The following NOP53 variants were observed in gnomAD, a reference collection of about 807,000 sequenced individuals.
The protein encoded by NOP53 is NOP53 ribosome biogenesis factor, also known as ribosome biogenesis protein NOP53.
In NOP53, 40 loss-of-function variants were observed where a neutral mutation model predicts 61.0. That is an observed-to-expected ratio of 0.66 (90% CI 0.51 to 0.85). The LOEUF is 0.85. Among genes scored for constraint, NOP53 ranks in the 40% least tolerant of loss-of-function variants. NOP53 has a pLI of 0.00. For synonymous variants in NOP53, 308 were observed against 289.5 expected, an observed-to-expected ratio of 1.06 and a Z score of -0.65; for missense variants, 689 against 652.9, an observed-to-expected ratio of 1.06 and a Z score of -0.60.
chr19:47,750,666 G>C (rs1312067391), intron 3 of NOP53, among the ~76,000 whole-genome samples: 1 of 152,116 alleles, frequency 6.6e-6, no homozygotes, highest in African/African-American at 2.4e-5. Flanking sequence ...GGTGGTGTGA[G>C]GTGCCTGGGG....
Position 47,755,335 on chromosome 19 carries a change from C to T in NOP53, c.1054-13C>T. 2.7e-6 allele frequency: 4 copies of T among 1,481,904 alleles called. No homozygotes were observed. The South Asian group carries it at 3.9e-5, about 14-fold the overall frequency. The allele number at this position is 1,481,904 out of a possible 1,614,324, so 91.8% of individuals were successfully genotyped here. On this transcript the variant is annotated splice_polypyrimidine_tract_variant and intron_variant, in intron 8 of 12. Coordinates refer to ENST00000246802, the MANE Select transcript of NOP53 (RefSeq NM_015710.5). ...GCACCGGCCTGAGCCCTGACCCTCC[C>T]CCGTCTCCACAGCGGGTACAGCAGG...
In NOP53 at chr19:47,754,508, C is replaced by G. The variant is rs1258523271; in HGVS notation, c.766-19C>G. The G allele has an allele frequency of 7.2e-6, 11 of 1,529,744 alleles. No individual in the cohort carries two copies. The Admixed American group carries it at 1.4e-4, about 19-fold the overall frequency. The allele number at this position is 1,529,744 out of a possible 1,614,324, so 94.8% of individuals were successfully genotyped here. ...TCCCAGGAGGGGTTCAGGGACCCAT[C>G]CTCACTCCCGCCCCTCAGACCCTGC... is the stretch of plus-strand genomic sequence containing the variant. On this transcript the variant is annotated intron_variant, in intron 6 of 12. Transcript: ENST00000246802. This position sits in a 1 kb window ranked among gnomAD's most constrained non-coding sequence, Gnocchi z 4.2.
rs1325800066 is a variant in NOP53 at position 47,754,343 on chromosome 19, G to A, written c.766-184G>A. 3.3e-6 allele frequency: 2 copies of A among 599,402 alleles called. No individual in the cohort carries two copies. The highest frequency in any genetic ancestry group is 2.8e-5 in the East Asian group (1 of 35,962). The allele number at this position is 599,402 out of a possible 1,614,324, so 37.1% of individuals were successfully genotyped here. ...AGACGTGCAGAGCAGGTGTGAGGGC[G>A]AGGGTTTGAGGTGCCCTCTGGCTCT... On this transcript the variant is annotated intron_variant, in intron 6 of 12. Transcript: ENST00000246802. The surrounding 1 kb of genome is among the most constrained non-coding windows in gnomAD (Gnocchi z 4.2).
At chr19:47,756,284 T>C in intron 10 of NOP53, 1 of 576,542 alleles carries the variant, frequency 1.7e-6, no homozygotes, top group East Asian at 2.8e-5. Context: ...CTGTCCCCTT[T>C]TCTGTGTCGT....
chr19:47,751,477 C>T, intron 4 of NOP53, 43 bp from the exon 5 acceptor site: 1 of 1,502,874 alleles, frequency 6.7e-7, no homozygotes, highest in Non-Finnish European at 9.3e-7. Context: ...GTGCCTCTTC[C>T]ATGCTGGGAC....
At position 47,750,360 on chromosome 19, in the gene NOP53, C is replaced by T; in HGVS notation, c.398+74C>T. The T allele has an allele frequency of 2.2e-6, 2 of 913,486 alleles. 1 individual carries two copies. Among genetic ancestry groups the T allele is most frequent in the African/African-American group, 3.3e-5 (2 of 60,864 alleles). The allele number at this position is 913,486 out of a possible 1,614,324, so 56.6% of individuals were successfully genotyped here. ...CCTAAAGGGTTTCCGGGGCTGGGGG[C>T]TGGTAGGTGAGGGTCATTTGAAGGG... is the stretch of plus-strand genomic sequence containing the variant. On this transcript the variant is annotated intron_variant, in intron 3 of 12. Transcript: ENST00000246802.
intron 1 of NOP53, 77 bp downstream of exon 1, chr19:47,745,860 C>G: frequency 4.6e-6 from 1 of 217,062 alleles, no homozygotes; most frequent in Non-Finnish European, 7.4e-6. Context: ...TGCGTGGACT[C>G]GTCGGGGGTC....
chr19:47,750,896 C>T lies in NOP53; in HGVS notation c.399-12C>T, dbSNP rs1403342082. 1.9e-6 allele frequency: 3 copies of T among 1,572,380 alleles called. No homozygotes were observed. Among genetic ancestry groups the T allele is most frequent in the Admixed American group, 1.9e-5 (1 of 53,348 alleles). ...CTCACCTGCTGCACTTGTGCCCCCT[C>T]TCCCCGACCAGCGTCCTCGCCCACC... On this transcript the variant is annotated splice_polypyrimidine_tract_variant and intron_variant, in intron 3 of 12. Transcript: ENST00000246802.
intron 5 of NOP53, 35 bp from the exon 6 acceptor site, chr19:47,752,477 C>G (rs1169383655): frequency 3.0e-6 from 4 of 1,340,264 alleles, no homozygotes; most frequent in South Asian, 1.2e-5. Flanking sequence ...AGCCCCAACG[C>G]ACGGCCTTAC....
At chr19:47,751,709 T>C (rs1744678319) in intron 5 of NOP53, 119 bp downstream of exon 5, 2 of 784,116 alleles carry the variant, frequency 2.6e-6, no homozygotes, top group South Asian at 3.1e-5. Context: ...CCGAGAACTC[T>C]GTGCTGGAGC....
chr19:47,756,309 C>A (rs904995179), intron 10 of NOP53: 1 of 588,338 alleles, frequency 1.7e-6, no homozygotes, highest in African/African-American at 1.9e-5. Flanking sequence ...AGCCCACTTC[C>A]CGTGACTCCT....
intron 2 of NOP53, 130 bp downstream of exon 2, chr19:47,747,161 T>A: frequency 1.5e-6 from 1 of 672,192 alleles, no homozygotes; most frequent in Non-Finnish European, 2.5e-6. Flanking sequence ...AACCTTAATA[T>A]AAACAAGGGG....
At position 47,745,777 on chromosome 19, in the gene NOP53, C is replaced by G; in HGVS notation, c.218C>G (p.Thr73Arg). 1 of 1,545,998 alleles carries G rather than the reference C, an allele frequency of 6.5e-7. No individual in the cohort carries two copies. Among genetic ancestry groups the G allele is most frequent in the Non-Finnish European group, 8.7e-7 (1 of 1,147,462 alleles). The change falls in exon 1 of 13, where the codon ACG becomes AGG. Residue 73 changes from threonine to arginine, a missense_variant. Physicochemically the swap from Thr to Arg is moderately conservative, Grantham distance 71. Coordinates refer to ENST00000246802, the MANE Select transcript of NOP53 (RefSeq NM_015710.5). Reference sequence around the variant, plus strand: ...GAAGACGTGCGGCTACAGGAGCGCACGAGCGGGTACGTTGGGCGGGACTTC... The same window carrying G: ...GAAGACGTGCGGCTACAGGAGCGCAGGAGCGGGTACGTTGGGCGGGACTTC... Reference protein sequence around the residue: ...FLEDVRLQERTSGGLLSEAPN... With the variant: ...FLEDVRLQERRSGGLLSEAPN...
chr19:47,749,182 G>A (rs1051163299), intron 2 of NOP53, among the ~76,000 whole-genome samples: 13 of 152,090 alleles, frequency 8.5e-5, no homozygotes, highest in Admixed American at 7.2e-4. Context: ...AAAGTGGGGG[G>A]TTATTAGAGA....
chr19:47,752,663 C>T (rs1264134350), intron 6 of NOP53, 56 bp downstream of exon 6: 3 of 1,036,926 alleles, frequency 2.9e-6, no homozygotes, highest in Non-Finnish European at 4.6e-6. Flanking sequence ...TTGGTCAGGC[C>T]TTCACTAGCT....
rs924236122 is a variant in NOP53 at position 47,754,566 on chromosome 19, CAGA to C, written c.808_810del (p.Lys270del). ...GGCCCACGAGGTGGAGTTGCAGCGG[CAGA>C]AGGAGGCGGAGAAGCTGGAGCGGCA... On this transcript the variant is annotated inframe_deletion, in exon 7 of 13. Coordinates refer to ENST00000246802, the MANE Select transcript of NOP53 (RefSeq NM_015710.5). This position sits in a 1 kb window ranked among gnomAD's most constrained non-coding sequence, Gnocchi z 4.2. 8.4e-6 allele frequency: 13 copies of C among 1,552,566 alleles called. No individual in the cohort carries two copies. Among genetic ancestry groups the C allele is most frequent in the Non-Finnish European group, 1.1e-5 (13 of 1,149,024 alleles).
rs771356045 is a variant in NOP53 at position 47,754,888 on chromosome 19, G to A, written c.1050G>A (p.Arg350=). 92 of 1,505,428 alleles carry A rather than the reference G, an allele frequency of 6.1e-5. No individual in the cohort carries two copies. Among genetic ancestry groups the A allele is most frequent in the Non-Finnish European group, 7.9e-5 (90 of 1,138,582 alleles). 93.3% of individuals were successfully genotyped at this position (1,505,428 alleles called of 1,614,324 possible). The change falls in exon 8 of 13, where the codon AGG becomes AGA. Residue 350 remains arginine (R), a synonymous_variant. Transcript: ENST00000246802. The surrounding 1 kb of genome is among the most constrained non-coding windows in gnomAD (Gnocchi z 4.2). ...QQRRREKAVH[R]LRVQQAALRA... ...GGCGGCGGGAGAAGGCTGTGCACAG[G>A]CTGGTGAGCGCCTGGGCCAGCGGGG...
intron 1 of NOP53, 87 bp from the exon 2 acceptor site, chr19:47,746,875 TGACTA>T (rs1229722760): frequency 9.5e-7 from 1 of 1,049,810 alleles, no homozygotes; most frequent in African/African-American, 1.6e-5. Flanking sequence ...TGGCGGGACT[TGACTA>T]AGCGGAAGAT....
chr19:47,752,741 C>G, intron 6 of NOP53, 134 bp downstream of exon 6: 1 of 639,996 alleles, frequency 1.6e-6, no homozygotes, highest in Non-Finnish European at 2.8e-6. Context: ...GGCTCACGGT[C>G]CAGTGCAAGA....
Sources: allele counts gnomAD v4.1 joint callset (sites outside exome capture counted in the v4.1 genomes callset), GRCh38; gene constraint gnomAD v4.1.1; non-coding constraint Gnocchi (gnomAD v3.1); transcripts MANE v1.5; gene names NCBI Gene and HGNC (gene_info 2026-07-23, HGNC 2026-07-21).